CLCN5: variants seen among roughly 807,000 people sequenced by gnomAD.
CLCN5 encodes H(+)/Cl(-) exchange transporter 5.
In CLCN5, 17 loss-of-function variants were observed where a neutral mutation model predicts 54.0. The ratio of observed to expected loss-of-function variants is 0.31; its 90% CI spans 0.22 to 0.47. The LOEUF is 0.47. Ranked by LOEUF, CLCN5 falls within the 20% of genes least tolerant of loss-of-function variation. The pLI is 1.00. For synonymous variants in CLCN5, 222 were observed against 233.0 expected (o/e 0.95, Z 0.43); for missense variants, 448 against 646.7 (o/e 0.69, Z 3.33).
At chrX:49,977,844 A>G (rs1472425254) in intron 3 of CLCN5, among the ~76,000 whole-genome samples, 1 of 111,709 alleles carries the variant, frequency 9.0e-6, no homozygotes, top group African/African-American at 3.3e-5. Context: ...GCTAGCCAGC[A>G]GCAGCAAGCC....
intron 4 of CLCN5, among the ~76,000 whole-genome samples, chrX:50,057,167 C>T (rs1042418301): frequency 5.5e-5 from 6 of 110,038 alleles, no homozygotes; most frequent in Admixed American, 9.6e-5. Flanking sequence ...GTATTCCAGC[C>T]GCTGGATCAT....
intron 3 of CLCN5, among the ~76,000 whole-genome samples, chrX:49,970,109 AG>A (rs1928127450): frequency 1.8e-5 from 2 of 111,248 alleles, no homozygotes; most frequent in Non-Finnish European, 3.8e-5. Flanking sequence ...ATCCTTTCCT[AG>A]CTTTTTACTT....
rs1306000028 is a variant in CLCN5 at position 49,996,167 on chromosome X, C to T, written c.17-46149C>T. On this transcript the variant is annotated intron_variant, in intron 3 of 14. Transcript: ENST00000376091. ...GTGCTTATCTCATCTATCAGCTCAGCTGTCATACTCATTCAACCCTTGTGC... is the reference window on the plus strand; with the variant it reads ...GTGCTTATCTCATCTATCAGCTCAGTTGTCATACTCATTCAACCCTTGTGC... Among the ~76,000 whole-genome samples the T allele has an allele frequency of 2.7e-5, 3 of 112,219 alleles. No individual in the cohort carries two copies. The Admixed American group carries it at 2.8e-4, about 11-fold the overall frequency.
intron 7 of CLCN5, among the ~76,000 whole-genome samples, chrX:50,078,550 G>C (rs1933537056): frequency 8.9e-6 from 1 of 112,375 alleles, no homozygotes; most frequent in Admixed American, 9.4e-5. Context: ...ATGTATTTGT[G>C]TGTGTGTATG....
rs782037545 is a variant in CLCN5, at chrX:50,090,453, A to G, written c.2082A>G (p.Val694=). 8.3e-7 allele frequency: 1 copy of G among 1,209,506 alleles called. No homozygotes were observed. The highest frequency in any genetic ancestry group is 1.1e-6 in the Non-Finnish European group (1 of 894,105). Reference sequence around the variant, plus strand: ...CTTACAGTGGCTTCCCAGTGGTGGTATCCCGGGAGTCCCAAAGACTTGTGG... The same window carrying G: ...CTTACAGTGGCTTCCCAGTGGTGGTGTCCCGGGAGTCCCAAAGACTTGTGG... ...ETTYSGFPVV[V]SRESQRLVGF... is the part of the protein sequence containing the mutation. Residue 694 remains valine, a synonymous_variant, in exon 13 of 15, where the codon GTA becomes GTG. Coordinates refer to ENST00000376091, the MANE Select transcript of CLCN5 (RefSeq NM_001127898.4).
In CLCN5 at chrX:50,086,449, A is replaced by C; in HGVS notation, c.1136A>C (p.Glu379Ala). 1 of 1,210,921 alleles carries C rather than the reference A, an allele frequency of 8.3e-7. No homozygotes were observed. The highest frequency in any genetic ancestry group is 1.7e-5 in the African/African-American group (1 of 57,565). The change falls in exon 11 of 15, where the codon GAG becomes GCG. Residue 379 changes from glutamate to alanine, a missense_variant. Physicochemically the swap from Glu to Ala is moderately radical, Grantham distance 107 (BLOSUM62 -1). Transcript: ENST00000376091. ...GNSRLVLFYV[E>A]FHTPWHLFEL... ...AGCCGCCTGGTACTATTTTATGTGG[A>C]GTTTCACACCCCATGGCATCTCTTT... is the stretch of plus-strand genomic sequence containing the variant.
rs1398802440 is a variant in CLCN5, at chrX:50,094,550, T to C, written c.*2331T>C. 1 of 112,529 alleles carries C rather than the reference T, an allele frequency of 8.9e-6. No individual in the cohort carries two copies. The highest frequency in any genetic ancestry group is 1.9e-5 in the Non-Finnish European group (1 of 53,289). The allele number at this position is 112,529 out of a possible 1,213,427, so 9.3% of individuals were successfully genotyped here. A position where few individuals can be genotyped will look rare whatever the true frequency, so the allele number is the denominator to read the frequency against. ...ATAAGGAGGGTGTCTCAAGTTTGCT[T>C]TTGTGTTTCTTCTAGGCTTTGTTCT... On this transcript the variant is annotated 3_prime_UTR_variant, in exon 15 of 15. Coordinates refer to ENST00000376091, the MANE Select transcript of CLCN5 (RefSeq NM_001127898.4).
intron 3 of CLCN5, among the ~76,000 whole-genome samples, chrX:50,017,553 C>G (rs1259376626): frequency 9.0e-6 from 1 of 111,401 alleles, no homozygotes; most frequent in Admixed American, 9.6e-5. Flanking sequence ...AGGTCACCAC[C>G]AAACCTAAGA....
At chrX:49,933,808 A>G (rs1440768668) in intron 3 of CLCN5, among the ~76,000 whole-genome samples, 1 of 112,072 alleles carries the variant, frequency 8.9e-6, no homozygotes, top group Non-Finnish European at 1.9e-5. Context: ...GTGCTTCTAG[A>G]TGAGAGTCAG....
At chrX:50,088,484 G>A in intron 11 of CLCN5, 1 of 436,779 alleles carries the variant, frequency 2.3e-6, no homozygotes, top group Middle Eastern at 6.4e-4. Flanking sequence ...CCCGAATCAG[G>A]GTAAGCTTCT....
chrX:49,979,752 C>T (rs1557177446), intron 3 of CLCN5, among the ~76,000 whole-genome samples: 1 of 110,993 alleles, frequency 9.0e-6, no homozygotes, highest in Non-Finnish European at 1.9e-5. Context: ...ACATGTATTA[C>T]ATGATGCTTT....
At chrX:50,011,546 G>C (rs1288609787) in intron 3 of CLCN5, among the ~76,000 whole-genome samples, 7 of 112,229 alleles carry the variant, frequency 6.2e-5, no homozygotes, top group African/African-American at 9.7e-5. Flanking sequence ...ACATGGCCCT[G>C]CATGCAGAGA....
intron 4 of CLCN5, among the ~76,000 whole-genome samples, chrX:50,053,974 G>A (rs370634649): frequency 1.4e-4 from 15 of 110,343 alleles, no homozygotes; most frequent in East Asian, 5.7e-4. Flanking sequence ...CTCTCCTCTT[G>A]ATTGTGAGTT....
chrX:50,007,406 T>TCC (rs1351586835), intron 3 of CLCN5, among the ~76,000 whole-genome samples: 2 of 93,043 alleles, frequency 2.1e-5, no homozygotes, highest in Non-Finnish European at 4.2e-5. Flanking sequence ...TTTCTCTCTC[T>TCC]CTCTCTCTCT....
chrX:50,032,355 A>G (rs1423472589), intron 3 of CLCN5, among the ~76,000 whole-genome samples: 1 of 110,652 alleles, frequency 9.0e-6, no homozygotes, highest in East Asian at 2.8e-4. Context: ...AAGTGTTCCT[A>G]TTTCTCCACA....
chrX:49,949,388 G>A (rs1198349880), intron 3 of CLCN5, among the ~76,000 whole-genome samples: 2 of 112,154 alleles, frequency 1.8e-5, no homozygotes, highest in African/African-American at 3.2e-5. Context: ...GATCCATGGC[G>A]GTGACCATTG....
intron 6 of CLCN5, among the ~76,000 whole-genome samples, chrX:50,073,921 T>C (rs1452471735): frequency 1.8e-5 from 2 of 111,505 alleles, no homozygotes; most frequent in African/African-American, 6.5e-5. Flanking sequence ...TGCCAACCCA[T>C]GGCCTAGGGT....
At chrX:49,955,361 A>G (rs1601974754) in intron 3 of CLCN5, among the ~76,000 whole-genome samples, 1 of 109,982 alleles carries the variant, frequency 9.1e-6, no homozygotes, top group Non-Finnish European at 1.9e-5. Context: ...GTAGACACCC[A>G]ACAAAGTATT....
intron 3 of CLCN5, chrX:50,013,354 A>G (rs782531239): frequency 5.6e-6 from 2 of 357,671 alleles, no homozygotes; most frequent in Non-Finnish European, 5.6e-6. Context: ...CTGCTGAACA[A>G]TCCAAGTAGC....
Sources: gnomAD v4.1 joint callset for allele counts (sites outside exome capture counted in the v4.1 genomes callset) on GRCh38, gnomAD v4.1.1 for gene constraint, MANE v1.5 for transcripts, NCBI Gene and HGNC (gene_info 2026-07-23, HGNC 2026-07-21) for gene names.